Variants in MSANTD2 observed in about 807,000 individuals in gnomAD.
MSANTD2 encodes the protein myb/SANT-like DNA-binding domain-containing protein 2.
Under a neutral mutation model 52.6 loss-of-function variants are expected in MSANTD2, and 19 were observed. The ratio of observed to expected loss-of-function variants is 0.36; its 90% confidence interval spans 0.25 to 0.53. The LOEUF (loss-of-function observed/expected upper bound fraction) is 0.53. MSANTD2 is among the 20% of genes least tolerant of loss of function. The pLI is 0.91. For missense variants in MSANTD2, 558 were observed against 716.3 expected, an observed-to-expected ratio of 0.78 and a Z score of 2.52; for synonymous variants, 291 against 289.7, an observed-to-expected ratio of 1.00 and a Z score of -0.04.
At chr11:124,791,778 G>T in intron 1 of MSANTD2, 1 of 594,922 alleles carries the variant, frequency 1.7e-6, no homozygotes, top group Non-Finnish European at 3.0e-6. Flanking sequence ...GGAGGAGGAG[G>T]ATGTGGGGCA....
intron 1 of MSANTD2, chr11:124,789,469 C>G (rs913052469): frequency 3.9e-5 from 6 of 151,952 alleles, no homozygotes; most frequent in African/African-American, 7.3e-5. Context: ...TATTTGATAG[C>G]CCAAAATATA....
chr11:124,767,935 G>A lies in MSANTD2; in HGVS notation c.921C>T (p.Leu307=). The change falls in exon 4 of 4, where the codon CTC becomes CTT. Residue 307 remains leucine, a synonymous_variant. Transcript: ENST00000374979. This position sits in a 1 kb window ranked among gnomAD's most constrained non-coding sequence, Gnocchi z 6.5. ...AAATGGCCAGTTTATTAGAAAGATG[G>A]AGCCTTGAAAAGTCTGTCCAGCTCT... The part of the protein sequence containing the change: ...LFQSWTDFSR[L]HLSNKLAIFG... 1 of 1,614,202 alleles carries A rather than the reference G, an allele frequency of 6.2e-7. No individual in the cohort carries two copies. Among genetic ancestry groups the A allele is most frequent in the Non-Finnish European group, 8.5e-7 (1 of 1,180,034 alleles).
chr11:124,790,592 G>C (rs1945299163), intron 1 of MSANTD2: 2 of 152,186 alleles, frequency 1.3e-5, no homozygotes, highest in Non-Finnish European at 2.9e-5. Flanking sequence ...CTAGCTTACT[G>C]CAAGAAGCCT....
At chr11:124,785,412 G>C (rs1269689487) in intron 1 of MSANTD2, among the ~76,000 whole-genome samples, 3 of 152,260 alleles carry the variant, frequency 2.0e-5, no homozygotes, top group East Asian at 1.9e-4. Context: ...ACACATGTGA[G>C]AGACTGAGAA....
intron 1 of MSANTD2, among the ~76,000 whole-genome samples, chr11:124,786,172 G>A (rs1945156527): frequency 1.4e-5 from 2 of 147,244 alleles, no homozygotes; most frequent in Admixed American, 1.4e-4. Context: ...ATAGGGGCAA[G>A]CATTATGCAC....
rs1944310278 is a variant in MSANTD2, at chr11:124,766,676, A to G, written c.*500T>C. On this transcript the variant is annotated 3_prime_UTR_variant, in exon 4 of 4. Coordinates refer to ENST00000374979, the MANE Select transcript of MSANTD2 (RefSeq NM_001308027.2). ...TTATATACAATAGTAGCTAAGGGTG[A>G]TATTGAAAAAGTCTTTTTAACTGTG... 6.5e-6 allele frequency: 1 copy of G among 153,058 alleles called. No individual in the cohort carries two copies. The highest frequency in any genetic ancestry group is 2.4e-5 in the African/African-American group (1 of 41,454). 9.5% of individuals were successfully genotyped at this position (153,058 alleles called of 1,614,324 possible).
intron 1 of MSANTD2, among the ~76,000 whole-genome samples, chr11:124,788,593 T>G (rs550973807): frequency 1.3e-5 from 2 of 152,334 alleles, no homozygotes; most frequent in South Asian, 2.1e-4. Context: ...CCCAACCAAC[T>G]ATTAACCATG....
At chr11:124,797,846 T>C (rs957071087) in intron 1 of MSANTD2, among the ~76,000 whole-genome samples, 3 of 152,076 alleles carry the variant, frequency 2.0e-5, no homozygotes, top group African/African-American at 7.2e-5. Flanking sequence ...TTCAAATAAA[T>C]CTCCTTTTCT....
rs775689999 is a variant in MSANTD2 at position 124,767,422 on chromosome 11, C to T, written c.1434G>A (p.Gly478=). ...EPTRIIYCYL[G]IAEVRTLQQC... Reference sequence around the variant, plus strand: ...GCTGTAGAGTCCTGACCTCAGCAATCCCGAGGTAGCAATAGATAATTCGGG... The same window carrying T: ...GCTGTAGAGTCCTGACCTCAGCAATTCCGAGGTAGCAATAGATAATTCGGG... Residue 478 remains glycine, a synonymous_variant, in exon 4 of 4, where the codon GGG becomes GGA. Transcript: ENST00000374979. This position sits in a 1 kb window ranked among gnomAD's most constrained non-coding sequence, Gnocchi z 6.5. The T allele has an allele frequency of 2.5e-6, 4 of 1,614,166 alleles. No homozygotes were observed. The highest frequency in any genetic ancestry group is 2.5e-6 in the Non-Finnish European group (3 of 1,180,042).
chr11:124,766,800 GA>G lies in MSANTD2; in HGVS notation c.*375del, dbSNP rs1323437389. 2 of 164,996 alleles carry G rather than the reference GA, an allele frequency of 1.2e-5. No individual in the cohort carries two copies. The highest frequency in any genetic ancestry group is 6.1e-5 in the Admixed American group (1 of 16,362). 10.2% of individuals were successfully genotyped at this position (164,996 alleles called of 1,614,324 possible). ...GAGATGTGTAAAAATGAAACATTGT[GA>G]AAAAAATACAATTTTTCAATTTCAT... On this transcript the variant is annotated 3_prime_UTR_variant, in exon 4 of 4. Coordinates refer to ENST00000374979, the MANE Select transcript of MSANTD2 (RefSeq NM_001308027.2).
At chr11:124,799,030 T>G (rs1182966856) in intron 1 of MSANTD2, among the ~76,000 whole-genome samples, 1 of 152,158 alleles carries the variant, frequency 6.6e-6, no homozygotes, top group Non-Finnish European at 1.5e-5. Context: ...TAGCCCAAAT[T>G]AAGCCTCTGC....
chr11:124,774,626 C>T lies in MSANTD2; in HGVS notation c.766+93G>A, dbSNP rs1191628392. On this transcript the variant is annotated intron_variant, in intron 2 of 3. Coordinates refer to ENST00000374979, the MANE Select transcript of MSANTD2 (RefSeq NM_001308027.2). This position sits in a 1 kb window ranked among gnomAD's most constrained non-coding sequence, Gnocchi z 5.1. The stretch of plus-strand genomic sequence containing the variant: ...TGCTGACCACTATAGGGAACAGTAC[C>T]AAAGATATTTACAGGTAATAAGTAC... The T allele has an allele frequency of 2.5e-5, 33 of 1,313,356 alleles. No homozygotes were observed. The highest frequency in any genetic ancestry group is 3.4e-5 in the Non-Finnish European group (32 of 935,732). 81.4% of individuals were successfully genotyped at this position (1,313,356 alleles called of 1,614,324 possible).
intron 2 of MSANTD2, among the ~76,000 whole-genome samples, chr11:124,773,654 C>G (rs1242290253): frequency 2.6e-5 from 4 of 152,194 alleles, no homozygotes; most frequent in Admixed American, 6.5e-5. Context: ...CTTTGACTGT[C>G]TTCCAATATT....
In MSANTD2 at chr11:124,774,013, C is replaced by A. The variant is rs1944640959; in HGVS notation, c.766+706G>T. 1.3e-5 allele frequency among the ~76,000 whole-genome samples: 2 copies of A among 152,214 alleles called. No homozygotes were observed. Among genetic ancestry groups the A allele is most frequent in the Admixed American group, 1.3e-4 (2 of 15,278 alleles). ...TGCGCAAAGAAACAGAACAATCCCA[C>A]AACTACATATATACTCTTAGTTAGG... On this transcript the variant is annotated intron_variant, in intron 2 of 3. Transcript: ENST00000374979. The surrounding 1 kb of genome is among the most constrained non-coding windows in gnomAD (Gnocchi z 5.1).
intron 1 of MSANTD2, chr11:124,792,639 TC>T (rs989820499): frequency 6.6e-6 from 1 of 152,194 alleles, no homozygotes; most frequent in Non-Finnish European, 1.5e-5. Context: ...AAGACCTTGT[TC>T]ACAATATTGT....
In MSANTD2 at chr11:124,770,743, T is replaced by C. The variant is rs553809697; in HGVS notation, c.827+2251A>G. On this transcript the variant is annotated intron_variant, in intron 3 of 3. Coordinates refer to ENST00000374979, the MANE Select transcript of MSANTD2 (RefSeq NM_001308027.2). ...GCCTCAGCCTCCCGAGTAGCTGGGA[T>C]TACAGGTGTGTGCCACCACGCCCAG... Among the ~76,000 whole-genome samples the C allele has an allele frequency of 3.3e-3, 503 of 151,830 alleles. 2 individuals are homozygous for C. The highest frequency in any genetic ancestry group is 0.012 in the African/African-American group (478 of 41,350).
At chr11:124,794,323 T>C (rs1311190939) in intron 1 of MSANTD2, among the ~76,000 whole-genome samples, 1 of 152,268 alleles carries the variant, frequency 6.6e-6, no homozygotes, top group Non-Finnish European at 1.5e-5. Flanking sequence ...TCTTAGCTCC[T>C]TTCCTTCTAA....
chr11:124,768,314 A>C (rs1944378612), intron 3 of MSANTD2, among the ~76,000 whole-genome samples: 1 of 152,238 alleles, frequency 6.6e-6, no homozygotes, highest in Non-Finnish European at 1.5e-5. Flanking sequence ...AATTAATGAT[A>C]AACTGCTTTC....
intron 1 of MSANTD2, among the ~76,000 whole-genome samples, chr11:124,777,697 T>C (rs1944796678): frequency 6.6e-6 from 1 of 152,250 alleles, no homozygotes. Context: ...TATGCTAGTA[T>C]GTAAAATATC....
Sources: allele counts gnomAD v4.1 joint callset (sites outside exome capture counted in the v4.1 genomes callset), GRCh38; gene constraint gnomAD v4.1.1; non-coding constraint Gnocchi (gnomAD v3.1); transcripts MANE v1.5; gene names NCBI Gene and HGNC (gene_info 2026-07-23, HGNC 2026-07-21).